Variants in MACROD1 observed in about 807,000 individuals in gnomAD.
MACROD1 encodes mono-ADP ribosylhydrolase 1.
A neutral mutation model predicts 41.4 loss-of-function variants in MACROD1; 31 were observed. That is an observed-to-expected ratio of 0.75 (90% CI 0.56 to 1.01). The LOEUF is 1.01. Ranked by LOEUF, MACROD1 falls within the 50% of genes least tolerant of loss-of-function variation. MACROD1 has a pLI of 0.00. For missense variants in MACROD1, 473 were observed against 460.0 expected (o/e 1.03, Z -0.26); for synonymous variants, 252 against 203.4 (o/e 1.24, Z -2.03).
chr11:64,084,356 G>T (rs760065996), intron 3 of MACROD1, among the ~76,000 whole-genome samples: 15 of 152,160 alleles, frequency 9.9e-5, no homozygotes, highest in Non-Finnish European at 1.9e-4. Context: ...CCCCTGCCAC[G>T]TGCTCTGCCC....
chr11:64,077,136 C>G (rs1420680513), intron 3 of MACROD1, among the ~76,000 whole-genome samples: 1 of 152,154 alleles, frequency 6.6e-6, no homozygotes, highest in African/African-American at 2.4e-5. Flanking sequence ...TAGGCCTGAA[C>G]CCCTTCTCCC....
intron 5 of MACROD1, 25 bp from the exon 6 acceptor site, chr11:63,999,788 C>T (rs1471384948): frequency 2.5e-6 from 4 of 1,594,792 alleles, no homozygotes; most frequent in African/African-American, 1.3e-5. Flanking sequence ...GGGGTCAGAC[C>T]GGCGGGGGTC....
At chr11:64,152,624 T>TGG (rs1175721494) in intron 1 of MACROD1, among the ~76,000 whole-genome samples, 2 of 152,214 alleles carry the variant, frequency 1.3e-5, no homozygotes, top group African/African-American at 4.8e-5. Context: ...GCTGAGGGAC[T>TGG]GGCTCAGGCA....
In MACROD1 at chr11:64,090,205, G is replaced by C. The variant is rs538667658; in HGVS notation, c.517+61034C>G. ...AGGCCCCGAACAGCCTGAGTCCACAGGGTGACAGGGTGTGGGAAAGGCCAA... is the reference window on the plus strand; with the variant it reads ...AGGCCCCGAACAGCCTGAGTCCACACGGTGACAGGGTGTGGGAAAGGCCAA... On this transcript the variant is annotated intron_variant, in intron 3 of 10. Transcript: ENST00000255681. This position sits in a 1 kb window ranked among gnomAD's most constrained non-coding sequence, Gnocchi z 4.7. Among the ~76,000 whole-genome samples the C allele has an allele frequency of 3.3e-5, 5 of 152,196 alleles. No homozygotes were observed. The highest frequency in any genetic ancestry group is 1.2e-4 in the African/African-American group (5 of 41,442).
intron 3 of MACROD1, among the ~76,000 whole-genome samples, chr11:64,079,081 G>A (rs912667240): frequency 1.3e-5 from 2 of 151,784 alleles, no homozygotes; most frequent in African/African-American, 4.8e-5. Context: ...GTGGGGAGGC[G>A]CTGCTGTCTC....
Position 64,067,507 on chromosome 11 carries a change from A to G in MACROD1, c.518-52226T>C, listed in dbSNP as rs955535796. Among the ~76,000 whole-genome samples, 2 of 152,048 alleles carry G rather than the reference A, an allele frequency of 1.3e-5. No individual in the cohort carries two copies. Among genetic ancestry groups the G allele is most frequent in the Non-Finnish European group, 2.9e-5 (2 of 67,978 alleles). ...GGAGATAGGTCGGGGACGGGGACAG[A>G]CGGCACCTCCCCAACTCCCCAGCCC... On this transcript the variant is annotated intron_variant, in intron 3 of 10. Transcript: ENST00000255681. This position sits in a 1 kb window ranked among gnomAD's most constrained non-coding sequence, Gnocchi z 4.6.
At chr11:64,165,666 C>T (rs1012739254) in intron 1 of MACROD1, 31 bp downstream of exon 1, 8 of 1,374,374 alleles carry the variant, frequency 5.8e-6, no homozygotes, top group Non-Finnish European at 7.6e-6. Context: ...AGGCCGCCCT[C>T]TCCCTCGCGC....
intron 3 of MACROD1, among the ~76,000 whole-genome samples, chr11:64,061,292 C>G (rs1943898684): frequency 1.3e-5 from 2 of 152,206 alleles, no homozygotes; most frequent in Admixed American, 1.3e-4. Context: ...GCTCCGCGCG[C>G]CGACTTTGCA....
intron 3 of MACROD1, among the ~76,000 whole-genome samples, chr11:64,047,624 C>T (rs1038012750): frequency 1.3e-5 from 2 of 152,088 alleles, no homozygotes; most frequent in Non-Finnish European, 2.9e-5. Flanking sequence ...AGGCCGGGCG[C>T]GGTGGCTTAT....
At chr11:64,005,115 C>T (rs1316180933) in intron 4 of MACROD1, among the ~76,000 whole-genome samples, 3 of 151,908 alleles carry the variant, frequency 2.0e-5, no homozygotes, top group Admixed American at 6.6e-5. Context: ...CTGCAACCTC[C>T]GCCTCCCGGG....
At position 64,015,285 on chromosome 11, in the gene MACROD1, C is replaced by T. The variant is rs759701053; in HGVS notation, c.518-4G>A. ...CCTCCGAGCAGGGAGCTGTTGGCTG[C>T]AAGAGAGAGAGACAAAGGCAGATCA... On this transcript the variant is annotated splice_polypyrimidine_tract_variant and splice_region_variant and intron_variant, in intron 3 of 10. Transcript: ENST00000255681. 12 of 1,605,408 alleles carry T rather than the reference C, an allele frequency of 7.5e-6. No homozygotes were observed. Among genetic ancestry groups the T allele is most frequent in the Admixed American group, 1.7e-5 (1 of 59,060 alleles).
chr11:64,068,778 G>A (rs973023429), intron 3 of MACROD1, among the ~76,000 whole-genome samples: 1 of 152,234 alleles, frequency 6.6e-6, no homozygotes, highest in African/African-American at 2.4e-5. Flanking sequence ...CAGAACCTGG[G>A]AGCACCCCCA....
chr11:64,082,340 C>T lies in MACROD1; in HGVS notation c.518-67059G>A, dbSNP rs1006207. 0.51 allele frequency among the ~76,000 whole-genome samples: 76,625 copies of T among 151,444 alleles called. 23,457 individuals carry two copies. Among genetic ancestry groups the T allele is most frequent in the Non-Finnish European group, 0.68 (46,440 of 67,798 alleles). ...TGGGTGGAGGATGATCCGGGGGGAC[C>T]GTGGAAGGCAGGACGGGGGCCAGGA... is the stretch of plus-strand genomic sequence containing the variant. On this transcript the variant is annotated intron_variant, in intron 3 of 10. Transcript: ENST00000255681. The surrounding 1 kb of genome is among the most constrained non-coding windows in gnomAD (Gnocchi z 4.5).
chr11:64,099,577 T>C (rs1325967119), intron 3 of MACROD1, among the ~76,000 whole-genome samples: 4 of 148,870 alleles, frequency 2.7e-5, no homozygotes, highest in East Asian at 2.0e-4. Flanking sequence ...GGTGAATAGA[T>C]GGACTGATGG....
intron 3 of MACROD1, chr11:64,118,501 G>C (rs1044095455): frequency 4.0e-6 from 2 of 498,494 alleles, no homozygotes; most frequent in Non-Finnish European, 7.0e-6. Context: ...GCAGGAGGGG[G>C]AATTCGACAT....
At chr11:64,001,778 G>A (rs552154687) in intron 4 of MACROD1, 21 of 701,766 alleles carry the variant, frequency 3.0e-5, no homozygotes, top group South Asian at 1.2e-4. Context: ...GGCCCAGAGC[G>A]GGCGTCCAGG....
At position 64,120,683 on chromosome 11, in the gene MACROD1, CAAAAA is replaced by C. The variant is rs544739061; in HGVS notation, c.517+30551_517+30555del. Among the ~76,000 whole-genome samples the C allele has an allele frequency of 7.0e-6, 1 of 143,586 alleles. No homozygotes were observed. The highest frequency in any genetic ancestry group is 1.5e-5 in the Non-Finnish European group (1 of 65,212). 94.2% of individuals were successfully genotyped at this position (143,586 alleles called of 152,430 possible). A position where few individuals can be genotyped will look rare whatever the true frequency, so the allele number is the denominator to read the frequency against. On this transcript the variant is annotated intron_variant, in intron 3 of 10. Coordinates refer to ENST00000255681, the MANE Select transcript of MACROD1 (RefSeq NM_014067.4). This position sits in a 1 kb window ranked among gnomAD's most constrained non-coding sequence, Gnocchi z 4.5. Reference sequence around the variant, plus strand: ...CTGGGCAAAGAGTGAGACTCCATCTCAAAAAAAAAAAAGTAGGCCCTCCCAGTGGA... The same window carrying C: ...CTGGGCAAAGAGTGAGACTCCATCTCAAAAAAAGTAGGCCCTCCCAGTGGA...
chr11:64,143,781 C>T (rs1484099144), intron 3 of MACROD1, among the ~76,000 whole-genome samples: 2 of 150,636 alleles, frequency 1.3e-5, no homozygotes, highest in Non-Finnish European at 3.0e-5. Context: ...CACACACACA[C>T]ACACACACAC....
chr11:64,004,485 CTAAT>C (rs1291388343), intron 4 of MACROD1, among the ~76,000 whole-genome samples: 4 of 152,242 alleles, frequency 2.6e-5, no homozygotes, highest in East Asian at 1.9e-4. Flanking sequence ...CAGGCAGGGG[CTAAT>C]TAATTATTTA....
Sources: allele counts gnomAD v4.1 joint callset (sites outside exome capture counted in the v4.1 genomes callset), GRCh38; gene constraint gnomAD v4.1.1; non-coding constraint Gnocchi (gnomAD v3.1); transcripts MANE v1.5; gene names NCBI Gene and HGNC (gene_info 2026-07-23, HGNC 2026-07-21).